PTPRD: variants seen among roughly 807,000 people sequenced by gnomAD.
PTPRD encodes the protein protein tyrosine phosphatase receptor type D.
A neutral mutation model predicts 214.5 loss-of-function variants in PTPRD; 34 were observed. That is an observed-to-expected ratio of 0.16 (90% CI 0.12 to 0.21). The LOEUF is 0.21. Ranked by LOEUF, PTPRD falls within the 10% of genes least tolerant of loss-of-function variation. The probability of loss-of-function intolerance (pLI) is 1.00; values close to 1 mark genes in which losing one functional copy is unlikely to be tolerated. For synonymous variants in PTPRD, 1,128 were observed against 845.7 expected (o/e 1.33, Z -5.79); for missense variants, 2,545 against 2,398.7 (o/e 1.06, Z -1.27).
chr9:8,730,475 A>C (rs2098644932), intron 12 of PTPRD, among the ~76,000 whole-genome samples: 1 of 152,204 alleles, frequency 6.6e-6, no homozygotes, highest in East Asian at 1.9e-4. Flanking sequence ...AGATCAGGTA[A>C]ACATTCAGGT....
chr9:9,948,812 T>C (rs1258325243), intron 4 of PTPRD, among the ~76,000 whole-genome samples: 4 of 151,948 alleles, frequency 2.6e-5, no homozygotes, highest in African/African-American at 2.4e-5. Flanking sequence ...ACAGTAGGTA[T>C]AAGGGCAAAA....
chr9:8,909,981 T>C (rs1471316738), intron 11 of PTPRD, among the ~76,000 whole-genome samples: 1 of 151,894 alleles, frequency 6.6e-6, no homozygotes, highest in Non-Finnish European at 1.5e-5. Context: ...AATTTTATGC[T>C]ATAGTTTAAA....
At chr9:9,468,944 T>C (rs1479611884) in intron 8 of PTPRD, among the ~76,000 whole-genome samples, 2 of 152,136 alleles carry the variant, frequency 1.3e-5, no homozygotes, top group Non-Finnish European at 1.5e-5. Flanking sequence ...ATAAAGGGGT[T>C]ACATCAAAAT....
chr9:9,985,825 A>G (rs1249117711), intron 4 of PTPRD, among the ~76,000 whole-genome samples: 1 of 151,992 alleles, frequency 6.6e-6, no homozygotes, highest in Non-Finnish European at 1.5e-5. Flanking sequence ...TCATATTTGA[A>G]AGAACACTAT....
Position 8,369,155 on chromosome 9 carries a change from A to T in PTPRD, c.4661+6781T>A, listed in dbSNP as rs146500511. 1.0e-3 allele frequency among the ~76,000 whole-genome samples: 152 copies of T among 152,300 alleles called. 4 individuals are homozygous for T. In the East Asian group the frequency reaches 0.028, roughly 28 times the overall value. On this transcript the variant is annotated intron_variant, in intron 39 of 45. Transcript: ENST00000381196. ...ATCTGAAGAGACATTTGAATGGAAC[A>T]TTAGAAGAAATAAAAATGGAATTTA...
chr9:8,317,668 A>ATTAT lies in PTPRD; in HGVS notation c.*202_*205dup. ...TGCCTCATCAGTCAGGATTCTCTTC[A>ATTAT]TTATTTTTCAGGTTAGATTATTAAA... On this transcript the variant is annotated 3_prime_UTR_variant, in exon 46 of 46. Transcript: ENST00000381196. 1 of 428,222 alleles carries ATTAT rather than the reference A, an allele frequency of 2.3e-6. No individual in the cohort carries two copies. Among genetic ancestry groups the ATTAT allele is most frequent in the Non-Finnish European group, 4.3e-6 (1 of 231,550 alleles). 26.5% of individuals were successfully genotyped at this position (428,222 alleles called of 1,614,324 possible). A position where few individuals can be genotyped will look rare whatever the true frequency, so the allele number is the denominator to read the frequency against.
intron 11 of PTPRD, among the ~76,000 whole-genome samples, chr9:8,914,987 A>T (rs2098774445): frequency 6.6e-6 from 1 of 152,178 alleles, no homozygotes; most frequent in South Asian, 2.1e-4. Context: ...CTAAATCACA[A>T]AACATGTGCC....
intron 12 of PTPRD, among the ~76,000 whole-genome samples, chr9:8,685,076 C>A (rs1035142190): frequency 9.9e-5 from 15 of 152,110 alleles, no homozygotes; most frequent in Admixed American, 9.8e-4. Context: ...TTTTCAAGGG[C>A]AACAGCATTA....
At chr9:9,910,475 G>A (rs912568036) in intron 5 of PTPRD, among the ~76,000 whole-genome samples, 7 of 151,978 alleles carry the variant, frequency 4.6e-5, no homozygotes, top group African/African-American at 1.7e-4. Flanking sequence ...ATTCTTGAAG[G>A]ATGTTTGAAA....
chr9:8,838,464 C>A (rs946625063), intron 11 of PTPRD, among the ~76,000 whole-genome samples: 1 of 152,036 alleles, frequency 6.6e-6, no homozygotes, highest in Admixed American at 6.6e-5. Flanking sequence ...ATTCTAAAAT[C>A]AACTAACATA....
chr9:9,875,190 G>C (rs997328181), intron 5 of PTPRD, among the ~76,000 whole-genome samples: 5 of 151,886 alleles, frequency 3.3e-5, no homozygotes, highest in Non-Finnish European at 7.4e-5. Flanking sequence ...GTATCAACTT[G>C]GGGCCCTAGA....
chr9:8,599,047 G>A (rs990344048), intron 14 of PTPRD, among the ~76,000 whole-genome samples: 10 of 152,176 alleles, frequency 6.6e-5, no homozygotes, highest in African/African-American at 2.2e-4. Context: ...CCCGGTGGGA[G>A]ATAACTGAAT....
chr9:8,411,558 C>G (rs2093527859), intron 35 of PTPRD, among the ~76,000 whole-genome samples: 1 of 152,172 alleles, frequency 6.6e-6, no homozygotes, highest in Admixed American at 6.6e-5. Context: ...CCTGCCTTGG[C>G]TTCCCAAAGT....
intron 10 of PTPRD, among the ~76,000 whole-genome samples, chr9:9,176,197 G>T (rs146914468): frequency 4.6e-5 from 7 of 152,248 alleles, no homozygotes; most frequent in African/African-American, 7.2e-5. Flanking sequence ...TGGTCTAATT[G>T]TTCTGGTTCT....
chr9:8,590,776 T>C (rs2094035466), intron 14 of PTPRD, among the ~76,000 whole-genome samples: 1 of 152,184 alleles, frequency 6.6e-6, no homozygotes, highest in Non-Finnish European at 1.5e-5. Context: ...CCAAACAGAA[T>C]AGTTCTGTCT....
At chr9:9,000,349 A>T (rs2154354478) in intron 11 of PTPRD, among the ~76,000 whole-genome samples, 1 of 152,126 alleles carries the variant, frequency 6.6e-6, no homozygotes, top group South Asian at 2.1e-4. Context: ...AAGCTCTTTC[A>T]ATGTGCAATA....
intron 9 of PTPRD, among the ~76,000 whole-genome samples, chr9:9,349,056 G>A (rs960434585): frequency 9.2e-5 from 14 of 152,084 alleles, no homozygotes; most frequent in South Asian, 2.1e-4. Context: ...AGTGGCGGGC[G>A]GGTATCATAG....
chr9:10,464,519 C>T (rs756917462), intron 2 of PTPRD, among the ~76,000 whole-genome samples: 49 of 149,596 alleles, frequency 3.3e-4, no homozygotes, highest in African/African-American at 1.2e-3. Context: ...ATGAAGAGAA[C>T]GAAAGATAAA....
chr9:9,364,986 C>T (rs753856243), intron 9 of PTPRD, among the ~76,000 whole-genome samples: 17 of 151,448 alleles, frequency 1.1e-4, no homozygotes, highest in Admixed American at 2.0e-4. Flanking sequence ...TGAGATTGTA[C>T]ATCTCACAGG....
Sources: gnomAD v4.1 joint callset for allele counts (sites outside exome capture counted in the v4.1 genomes callset) on GRCh38, gnomAD v4.1.1 for gene constraint, MANE v1.5 for transcripts, NCBI Gene and HGNC (gene_info 2026-07-23, HGNC 2026-07-21) for gene names.